The following TPRG1 variants were observed in gnomAD, a reference collection of about 807,000 sequenced individuals.
TPRG1 encodes tumor protein p63-regulated gene 1 protein.
A neutral mutation model predicts 29.3 loss-of-function variants in TPRG1; 29 were observed. The observed-to-expected ratio is 0.99, with a 90% CI of 0.74 to 1.35. The LOEUF is 1.35. TPRG1 is among the 40% of genes most tolerant of loss of function. The pLI, the probability that TPRG1 is intolerant of heterozygous loss-of-function variation, is 0.00. For missense variants in TPRG1, 327 were observed against 335.0 expected, an observed-to-expected ratio of 0.98 and a Z score of 0.19; for synonymous variants, 130 against 116.8, an observed-to-expected ratio of 1.11 and a Z score of -0.73.
intron 4 of TPRG1, among the ~76,000 whole-genome samples, chr3:189,040,291 G>A (rs563183226): frequency 3.9e-5 from 6 of 152,282 alleles, no homozygotes; most frequent in South Asian, 2.1e-4. Context: ...GGAAAACAGC[G>A]AAATATTGAA....
intron 2 of TPRG1, among the ~76,000 whole-genome samples, chr3:189,210,550 T>C (rs916390890): frequency 4.6e-5 from 7 of 152,180 alleles, no homozygotes; most frequent in South Asian, 4.1e-4. Context: ...TGAAATGAAA[T>C]CTACAGATGA....
intron 4 of TPRG1, chr3:189,267,854 T>A (rs993187876): frequency 9.2e-5 from 14 of 152,216 alleles, no homozygotes; most frequent in African/African-American, 3.4e-4. Flanking sequence ...CATTGCTGTA[T>A]GTGAATGGTG....
chr3:189,041,755 G>T (rs1714648742), intron 4 of TPRG1, among the ~76,000 whole-genome samples: 2 of 152,176 alleles, frequency 1.3e-5, no homozygotes, highest in African/African-American at 4.8e-5. Context: ...CTTTCAAGTG[G>T]AGGCGAAGGG....
Position 189,310,541 on chromosome 3 carries a change from T to C in TPRG1, c.633+2T>C, listed in dbSNP as rs190175954. The C allele has an allele frequency of 6.2e-6, 10 of 1,607,046 alleles. No individual in the cohort carries two copies. The Admixed American group carries it at 1.5e-4, about 24-fold the overall frequency. ...GAGAAATTCCTTGAAATTTGCAAGG[T>C]AGGAGGCATCTTGGGTATTACTCTC... On this transcript the variant is annotated splice_donor_variant, in intron 5 of 5. Coordinates refer to ENST00000345063, the MANE Select transcript of TPRG1 (RefSeq NM_198485.4). LOFTEE classifies it high-confidence loss of function.
intron 4 of TPRG1, among the ~76,000 whole-genome samples, chr3:189,249,581 A>G (rs1385204887): frequency 1.3e-5 from 2 of 151,992 alleles, no homozygotes; most frequent in African/African-American, 4.8e-5. Flanking sequence ...GGCCTTAATT[A>G]TAATATTTTG....
intron 2 of TPRG1, among the ~76,000 whole-genome samples, chr3:189,213,511 A>G (rs1288750775): frequency 3.3e-5 from 5 of 152,174 alleles, no homozygotes; most frequent in Non-Finnish European, 5.9e-5. Context: ...CAAAGATAAG[A>G]ACAGCACAGT....
At chr3:189,221,675 A>T (rs60012890) in intron 3 of TPRG1, among the ~76,000 whole-genome samples, 8,966 of 152,258 alleles carry the variant, frequency 0.059, 679 homozygotes, top group African/African-American at 0.18. Context: ...CATTGAAGAA[A>T]TGGTGATCAG....
At chr3:189,207,017 C>G (rs1015336301) in intron 1 of TPRG1, 5 of 200,572 alleles carry the variant, frequency 2.5e-5, no homozygotes, top group Non-Finnish European at 4.4e-5. Context: ...CTTAAATAAG[C>G]TTGCAGTCTG....
chr3:188,999,826 C>T (rs1411068037), intron 1 of TPRG1, among the ~76,000 whole-genome samples: 2 of 152,048 alleles, frequency 1.3e-5, no homozygotes. Flanking sequence ...ACAATGAACA[C>T]TCTTTCACAT....
chr3:189,130,994 A>G (rs1269110701), intron 2 of TPRG1, among the ~76,000 whole-genome samples: 2 of 152,166 alleles, frequency 1.3e-5, no homozygotes, highest in Admixed American at 1.3e-4. Flanking sequence ...ACCTCATGCC[A>G]TGTTACCTCT....
chr3:189,077,455 G>A (rs1717255192), intron 4 of TPRG1, among the ~76,000 whole-genome samples: 1 of 151,846 alleles, frequency 6.6e-6, no homozygotes, highest in Non-Finnish European at 1.5e-5. Context: ...CTAACTATGG[G>A]GATAGAAATC....
intron 5 of TPRG1, among the ~76,000 whole-genome samples, chr3:189,161,023 G>C (rs144561097): frequency 1.3e-5 from 2 of 152,216 alleles, no homozygotes; most frequent in African/African-American, 4.8e-5. Context: ...CCTGGACACA[G>C]AACTTCATTG....
chr3:189,038,574 G>C (rs77303732), intron 4 of TPRG1, among the ~76,000 whole-genome samples: 1 of 151,892 alleles, frequency 6.6e-6, no homozygotes, highest in Non-Finnish European at 1.5e-5. Context: ...ATGATTTCTG[G>C]AACAATACTC....
intron 1 of TPRG1, among the ~76,000 whole-genome samples, chr3:189,201,149 A>G (rs1733419517): frequency 6.6e-6 from 1 of 152,146 alleles, no homozygotes; most frequent in Non-Finnish European, 1.5e-5. Context: ...GAGAGAAATA[A>G]ATTTCTGTGG....
At chr3:189,213,573 G>A (rs1471904676) in intron 2 of TPRG1, among the ~76,000 whole-genome samples, 1 of 152,228 alleles carries the variant, frequency 6.6e-6, no homozygotes, top group East Asian at 1.9e-4. Flanking sequence ...TAAAGAACAT[G>A]CTTTATTTTT....
chr3:189,179,546 C>T (rs1165976400), intron 1 of TPRG1, among the ~76,000 whole-genome samples: 9 of 152,194 alleles, frequency 5.9e-5, no homozygotes, highest in Non-Finnish European at 4.4e-5. Context: ...CCCTATTGCA[C>T]ACTATACAGA....
chr3:189,076,851 C>T (rs1318040215), intron 4 of TPRG1, among the ~76,000 whole-genome samples: 2 of 151,752 alleles, frequency 1.3e-5, no homozygotes, highest in Non-Finnish European at 2.9e-5. Flanking sequence ...TTTATTGAGT[C>T]AGATTTGAAA....
rs1201500040 is a variant in TPRG1, at chr3:189,179,062, C to T, written c.-10+6931C>T. On this transcript the variant is annotated intron_variant, in intron 1 of 5. Coordinates refer to ENST00000345063, the MANE Select transcript of TPRG1 (RefSeq NM_198485.4). ...GAATACAGTTTTTTATACCTTTACT[C>T]ATAGACTGGTTCTCACATTAATGTC... 2.6e-5 allele frequency among the ~76,000 whole-genome samples: 4 copies of T among 152,180 alleles called. No homozygotes were observed. In the East Asian group the frequency reaches 7.7e-4, roughly 29 times the overall value.
At chr3:189,288,253 ATGC>A (rs1329365873) in intron 4 of TPRG1, among the ~76,000 whole-genome samples, 27 of 152,302 alleles carry the variant, frequency 1.8e-4, no homozygotes, top group African/African-American at 5.8e-4. Context: ...TAAAAAAAAG[ATGC>A]TGCTATTTGT....
Sources: gnomAD v4.1 joint callset for allele counts (sites outside exome capture counted in the v4.1 genomes callset) on GRCh38, gnomAD v4.1.1 for gene constraint, MANE v1.5 for transcripts, NCBI Gene and HGNC (gene_info 2026-07-23, HGNC 2026-07-21) for gene names.